Variants in GPM6A observed in about 807,000 individuals in gnomAD.
GPM6A encodes glycoprotein M6A.
Under a neutral mutation model 32.1 loss-of-function variants are expected in GPM6A, and 7 were observed. The ratio of observed to expected loss-of-function variants is 0.22; its 90% CI spans 0.12 to 0.41. GPM6A has a LOEUF of 0.41. Ranked by LOEUF, GPM6A falls within the 10% of genes least tolerant of loss-of-function variation. The pLI is 1.00. For missense variants in GPM6A, 235 were observed against 347.2 expected, an observed-to-expected ratio of 0.68 and a Z score of 2.57; for synonymous variants, 130 against 123.4, an observed-to-expected ratio of 1.05 and a Z score of -0.35.
rs532086948 is a variant in GPM6A, at chr4:175,754,598, A to T, written c.38-52831T>A. 6.0e-4 allele frequency among the ~76,000 whole-genome samples: 91 copies of T among 152,270 alleles called. 1 individual carries two copies. The highest frequency in any genetic ancestry group is 1.1e-3 in the Non-Finnish European group (78 of 68,000). On this transcript the variant is annotated intron_variant, in intron 1 of 6. Transcript: ENST00000393658. ...TAAACTTTAGGACTACATTGTTTGT[A>T]GGTATTTTCTTTCAAAGTTCATGGT...
intron 1 of GPM6A, among the ~76,000 whole-genome samples, chr4:175,792,725 T>A (rs1188685728): frequency 6.6e-6 from 1 of 152,196 alleles, no homozygotes; most frequent in East Asian, 1.9e-4. Flanking sequence ...TGACATCTGA[T>A]CAGAAAGTTT....
At chr4:175,971,515 C>A (rs961166740) in intron 1 of GPM6A, among the ~76,000 whole-genome samples, 12 of 152,132 alleles carry the variant, frequency 7.9e-5, no homozygotes, top group African/African-American at 2.9e-4. Context: ...CATCCAGCAA[C>A]TCCTCTCCCT....
At chr4:175,825,528 A>AC (rs1735406643) in intron 1 of GPM6A, among the ~76,000 whole-genome samples, 2 of 152,182 alleles carry the variant, frequency 1.3e-5, no homozygotes, top group South Asian at 4.1e-4. Context: ...TTAAGGAGCT[A>AC]ATGTCAGGTT....
chr4:175,669,923 C>G (rs1165710995), intron 3 of GPM6A, among the ~76,000 whole-genome samples: 5 of 151,988 alleles, frequency 3.3e-5, no homozygotes, highest in African/African-American at 7.3e-5. Context: ...CTTCTATAAA[C>G]CACTGGATGC....
intron 1 of GPM6A, among the ~76,000 whole-genome samples, chr4:175,877,592 C>T (rs1475525399): frequency 1.3e-5 from 2 of 152,126 alleles, no homozygotes; most frequent in Admixed American, 1.3e-4. Context: ...GTTGTGAGAA[C>T]TCATTCACAC....
At position 175,633,056 on chromosome 4, in the gene GPM6A, G is replaced by A. The variant is rs547476106; in HGVS notation, c.*1849C>T. On this transcript the variant is annotated 3_prime_UTR_variant, in exon 7 of 7. Coordinates refer to ENST00000393658, the MANE Select transcript of GPM6A (RefSeq NM_201591.3). ...CATTTATGTACAAAACAGATTAATT[G>A]TAATGCCTGCTACAAAGCACTCTGT... is the stretch of plus-strand genomic sequence containing the variant. 4.6e-5 allele frequency: 7 copies of A among 152,552 alleles called. No homozygotes were observed. In the South Asian group the frequency reaches 1.2e-3, roughly 27 times the overall value. 9.4% of individuals were successfully genotyped at this position (152,552 alleles called of 1,614,324 possible).
intron 1 of GPM6A, among the ~76,000 whole-genome samples, chr4:175,819,939 A>G (rs1735222931): frequency 6.6e-6 from 1 of 152,232 alleles, no homozygotes; most frequent in South Asian, 2.1e-4. Flanking sequence ...TTGAAGTTAA[A>G]AATATTAATA....
chr4:175,974,315 C>A (rs750202358), intron 1 of GPM6A, among the ~76,000 whole-genome samples: 1 of 152,016 alleles, frequency 6.6e-6, no homozygotes, highest in Non-Finnish European at 1.5e-5. Flanking sequence ...TCAGATCCAC[C>A]CTGAAAAAAG....
chr4:175,982,075 A>G (rs1036949528), intron 1 of GPM6A, among the ~76,000 whole-genome samples: 2 of 152,062 alleles, frequency 1.3e-5, no homozygotes, highest in Admixed American at 1.3e-4. Flanking sequence ...TGAAGTGTCT[A>G]TGTAAGTTGT....
At chr4:175,737,228 C>T (rs1731696484) in intron 1 of GPM6A, among the ~76,000 whole-genome samples, 1 of 152,148 alleles carries the variant, frequency 6.6e-6, no homozygotes, top group Non-Finnish European at 1.5e-5. Context: ...AAAGGAATTC[C>T]TGAGACTGGG....
At chr4:175,683,650 T>TG (rs1447743136) in intron 2 of GPM6A, among the ~76,000 whole-genome samples, 1 of 151,984 alleles carries the variant, frequency 6.6e-6, no homozygotes, top group Non-Finnish European at 1.5e-5. Context: ...TGTAAGTGTG[T>TG]GGCACCTCCC....
intron 1 of GPM6A, among the ~76,000 whole-genome samples, chr4:175,967,822 G>T (rs536198550): frequency 6.6e-6 from 1 of 152,118 alleles, no homozygotes; most frequent in African/African-American, 2.4e-5. Flanking sequence ...AGTCAATATT[G>T]TCAAGATGTC....
intron 1 of GPM6A, among the ~76,000 whole-genome samples, chr4:175,974,058 C>T (rs996692361): frequency 6.6e-6 from 1 of 151,974 alleles, no homozygotes; most frequent in Non-Finnish European, 1.5e-5. Context: ...CACAGTGAAA[C>T]CCCATCTCTA....
chr4:175,668,517 T>TTGTGTGTGTGTGTG (rs1445605789), intron 3 of GPM6A, among the ~76,000 whole-genome samples: 1 of 22,798 alleles, frequency 4.4e-5, no homozygotes, highest in Admixed American at 9.7e-4. Flanking sequence ...ATTCAAACGT[T>TTGTGTGTGTGTGTG]TATGTGTGTG....
chr4:175,815,579 C>A (rs1735072590), upstream of GPM6A, among the ~76,000 whole-genome samples: 1 of 152,084 alleles, frequency 6.6e-6, no homozygotes. Flanking sequence ...TACTCTTAGT[C>A]ATTTATTTAA....
intron 1 of GPM6A, among the ~76,000 whole-genome samples, chr4:175,726,653 T>A (rs1446996223): frequency 6.6e-6 from 1 of 152,180 alleles, no homozygotes; most frequent in Non-Finnish European, 1.5e-5. Flanking sequence ...AAAGCATTAT[T>A]ATAATTATAA....
chr4:175,871,521 T>C (rs1422702947), intron 1 of GPM6A, among the ~76,000 whole-genome samples: 1 of 152,140 alleles, frequency 6.6e-6, no homozygotes, highest in Non-Finnish European at 1.5e-5. Context: ...AGTAGCTGCC[T>C]TTCCTCCTGA....
chr4:175,842,556 C>G (rs1735972589), intron 1 of GPM6A, among the ~76,000 whole-genome samples: 1 of 152,000 alleles, frequency 6.6e-6, no homozygotes, highest in Non-Finnish European at 1.5e-5. Context: ...TATCTTGTCT[C>G]TACAAAAAAT....
At chr4:175,663,142 A>T (rs948619179) in intron 3 of GPM6A, among the ~76,000 whole-genome samples, 2 of 152,206 alleles carry the variant, frequency 1.3e-5, no homozygotes, top group African/African-American at 4.8e-5. Flanking sequence ...TTGGCAATGC[A>T]TTACAAAACT....
Sources: allele counts gnomAD v4.1 joint callset (sites outside exome capture counted in the v4.1 genomes callset), GRCh38; gene constraint gnomAD v4.1.1; transcripts MANE v1.5; gene names NCBI Gene and HGNC (gene_info 2026-07-23, HGNC 2026-07-21).